The following LRRTM4 variants were observed in gnomAD, a reference collection of about 807,000 sequenced individuals.
LRRTM4 encodes the protein leucine rich repeat transmembrane neuronal 4.
LRRTM4 carries 25 observed loss-of-function variants against 47.6 expected under a neutral mutation model. The ratio of observed to expected loss-of-function variants is 0.53; its 90% CI spans 0.38 to 0.73. LRRTM4 has a LOEUF of 0.73. Among genes scored for constraint, LRRTM4 ranks in the 30% least tolerant of loss-of-function variants. LRRTM4 has a pLI of 0.00. For synonymous variants in LRRTM4, 311 were observed against 269.5 expected (o/e 1.15, Z -1.51); for missense variants, 638 against 713.4 (o/e 0.89, Z 1.20).
chr2:76,930,915 T>C (rs916435938), intron 3 of LRRTM4, among the ~76,000 whole-genome samples: 2 of 152,216 alleles, frequency 1.3e-5, no homozygotes, highest in African/African-American at 4.8e-5. Flanking sequence ...ATTTTCTAGA[T>C]GGTAGCCAAA....
At chr2:77,309,206 A>T (rs978498878) in intron 3 of LRRTM4, among the ~76,000 whole-genome samples, 1 of 152,186 alleles carries the variant, frequency 6.6e-6, no homozygotes, top group Non-Finnish European at 1.5e-5. Flanking sequence ...ACTTTCAAAT[A>T]ACATTAGCAT....
At chr2:76,901,669 G>T (rs111437377) in intron 3 of LRRTM4, among the ~76,000 whole-genome samples, 1 of 152,108 alleles carries the variant, frequency 6.6e-6, no homozygotes, top group South Asian at 2.1e-4. Context: ...ACATGTTACT[G>T]TCTGTAGATA....
intron 3 of LRRTM4, among the ~76,000 whole-genome samples, chr2:77,285,846 T>C (rs569533807): frequency 6.6e-6 from 1 of 152,270 alleles, no homozygotes; most frequent in Admixed American, 6.5e-5. Context: ...ATGATATATC[T>C]CTATCTTCAC....
chr2:77,304,924 A>G (rs886805657), intron 3 of LRRTM4, among the ~76,000 whole-genome samples: 4 of 152,188 alleles, frequency 2.6e-5, no homozygotes, highest in Admixed American at 2.6e-4. Flanking sequence ...TAATGTTGTT[A>G]AAACGATATC....
intron 3 of LRRTM4, among the ~76,000 whole-genome samples, chr2:77,017,920 C>A (rs1013865684): frequency 1.3e-5 from 2 of 151,820 alleles, no homozygotes; most frequent in African/African-American, 2.4e-5. Context: ...GAAGTGTTAG[C>A]TCAAACGAGA....
At chr2:76,956,011 A>G (rs1284832139) in intron 3 of LRRTM4, among the ~76,000 whole-genome samples, 5 of 151,748 alleles carry the variant, frequency 3.3e-5, no homozygotes, top group Non-Finnish European at 5.9e-5. Flanking sequence ...TCCCACTTAA[A>G]AAAAAAAGCC....
intron 3 of LRRTM4, among the ~76,000 whole-genome samples, chr2:77,231,779 T>A (rs1357353170): frequency 1.3e-5 from 2 of 152,126 alleles, no homozygotes; most frequent in Non-Finnish European, 2.9e-5. Flanking sequence ...AACACTCAAA[T>A]AAGTCATATA....
intron 3 of LRRTM4, among the ~76,000 whole-genome samples, chr2:77,219,470 A>C (rs1012540778): frequency 1.1e-4 from 16 of 152,186 alleles, no homozygotes; most frequent in Admixed American, 3.3e-4. Context: ...AGGAAAAAAA[A>C]CAGAAACACG....
At chr2:77,092,261 G>A (rs1015912652) in intron 3 of LRRTM4, among the ~76,000 whole-genome samples, 3 of 151,770 alleles carry the variant, frequency 2.0e-5, no homozygotes, top group Non-Finnish European at 4.4e-5. Flanking sequence ...TACCACACCT[G>A]ACCCCCATGA....
rs1189027734 is a variant in LRRTM4 at position 76,874,382 on chromosome 2, G to C, written c.1552-125466C>G. ...TCTATGGCTATACTGTAATCACCTT[G>C]AGGGCAAGGCAAATGTCTTACCACT... On this transcript the variant is annotated intron_variant, in intron 3 of 3. Coordinates refer to ENST00000409884, the MANE Select transcript of LRRTM4 (RefSeq NM_001134745.3). Among the ~76,000 whole-genome samples, 4 of 151,874 alleles carry C rather than the reference G, an allele frequency of 2.6e-5. No individual in the cohort carries two copies. The South Asian group carries it at 6.2e-4, about 24-fold the overall frequency.
chr2:76,857,508 T>C (rs1175277265), intron 3 of LRRTM4, among the ~76,000 whole-genome samples: 1 of 151,924 alleles, frequency 6.6e-6, no homozygotes, highest in African/African-American at 2.4e-5. Flanking sequence ...ATATGGATTT[T>C]TGACTATGCA....
In LRRTM4 at chr2:77,521,784, C is replaced by T; in HGVS notation, c.-113G>A. On this transcript the variant is annotated 5_prime_UTR_variant, in exon 2 of 4. Coordinates refer to ENST00000409884, the MANE Select transcript of LRRTM4 (RefSeq NM_001134745.3). The stretch of plus-strand genomic sequence containing the variant: ...CAGTGCGGCTGTCATTCACACCATT[C>T]TGATCCCGCATGTGAGCTAGTAGCC... 8.6e-7 allele frequency: 1 copy of T among 1,165,468 alleles called. No homozygotes were observed. The highest frequency in any genetic ancestry group is 1.3e-6 in the Non-Finnish European group (1 of 794,142). 72.2% of individuals were successfully genotyped at this position (1,165,468 alleles called of 1,614,324 possible).
chr2:77,488,794 A>G (rs1353436761), intron 3 of LRRTM4, among the ~76,000 whole-genome samples: 5 of 152,032 alleles, frequency 3.3e-5, no homozygotes, highest in Non-Finnish European at 7.4e-5. Context: ...CTGGTACTAC[A>G]AAGAGTCTCA....
At chr2:77,451,854 G>C (rs1275036669) in intron 3 of LRRTM4, among the ~76,000 whole-genome samples, 1 of 152,120 alleles carries the variant, frequency 6.6e-6, no homozygotes, top group Admixed American at 6.5e-5. Context: ...TAGTGAGAAG[G>C]AGCTATTCAT....
chr2:76,875,127 A>G (rs1317594673), intron 3 of LRRTM4, among the ~76,000 whole-genome samples: 1 of 152,096 alleles, frequency 6.6e-6, no homozygotes, highest in African/African-American at 2.4e-5. Flanking sequence ...TAGCACATAG[A>G]TCAAATAGCC....
intron 3 of LRRTM4, among the ~76,000 whole-genome samples, chr2:76,933,794 T>G (rs1028996290): frequency 1.3e-5 from 2 of 152,094 alleles, no homozygotes; most frequent in African/African-American, 4.8e-5. Context: ...CAATGAATTA[T>G]CCTTGCTGGG....
chr2:77,092,258 C>A (rs1001972331), intron 3 of LRRTM4, among the ~76,000 whole-genome samples: 3 of 151,988 alleles, frequency 2.0e-5, no homozygotes, highest in Admixed American at 2.0e-4. Context: ...TGATACCACA[C>A]CTGACCCCCA....
At chr2:76,914,633 C>T (rs6736181) in intron 3 of LRRTM4, among the ~76,000 whole-genome samples, 53,131 of 151,972 alleles carry the variant, frequency 0.35, 9,986 homozygotes, top group East Asian at 0.69. Context: ...TAAATGCATT[C>T]TTCCTCTTAT....
intron 3 of LRRTM4, among the ~76,000 whole-genome samples, chr2:77,127,937 G>A (rs909163762): frequency 4.6e-5 from 7 of 152,182 alleles, no homozygotes; most frequent in Non-Finnish European, 8.8e-5. Context: ...GAGGTCAGGA[G>A]TTCGAGACCT....
Sources: gnomAD v4.1 joint callset for allele counts (sites outside exome capture counted in the v4.1 genomes callset) on GRCh38, gnomAD v4.1.1 for gene constraint, MANE v1.5 for transcripts, NCBI Gene and HGNC (gene_info 2026-07-23, HGNC 2026-07-21) for gene names.